Variants in HS2ST1 observed in about 807,000 individuals in gnomAD.
The protein encoded by HS2ST1 is heparan sulfate 2-O-sulfotransferase 1.
Under a neutral mutation model 42.9 loss-of-function variants are expected in HS2ST1, and 18 were observed. The ratio of observed to expected loss-of-function variants is 0.42; its 90% CI spans 0.29 to 0.62. The LOEUF (loss-of-function observed/expected upper bound fraction) is 0.62, where lower values mean the gene tolerates loss of function less well. HS2ST1 is among the 20% of genes least tolerant of loss of function. The pLI, the probability that HS2ST1 is intolerant of heterozygous loss-of-function variation, is 0.21. For missense variants in HS2ST1, 334 were observed against 433.8 expected, an observed-to-expected ratio of 0.77 and a Z score of 2.04; for synonymous variants, 146 against 152.9, an observed-to-expected ratio of 0.95 and a Z score of 0.33.
At chr1:87,077,788 C>T (rs963648907) in intron 2 of HS2ST1, among the ~76,000 whole-genome samples, 4 of 152,032 alleles carry the variant, frequency 2.6e-5, no homozygotes, top group South Asian at 2.1e-4. Flanking sequence ...ATTTTGATAG[C>T]GGTAGATGAT....
chr1:87,082,377 A>G (rs969735964), intron 2 of HS2ST1, among the ~76,000 whole-genome samples: 1 of 152,206 alleles, frequency 6.6e-6, no homozygotes, highest in Non-Finnish European at 1.5e-5. Flanking sequence ...CCAAGCTTGT[A>G]CTATATGATC....
At chr1:87,034,644 T>C (rs1482461982) in intron 1 of HS2ST1, among the ~76,000 whole-genome samples, 1 of 152,192 alleles carries the variant, frequency 6.6e-6, no homozygotes, top group African/African-American at 2.4e-5. Context: ...TCAAATTCTC[T>C]CAGTTGAGAA....
intron 1 of HS2ST1, among the ~76,000 whole-genome samples, chr1:86,935,164 T>G (rs1660619218): frequency 6.6e-6 from 1 of 152,040 alleles, no homozygotes; most frequent in African/African-American, 2.4e-5. Context: ...TGCTACTTTG[T>G]CTAATAGTTC....
At chr1:86,937,746 T>C (rs1267851980) in intron 1 of HS2ST1, among the ~76,000 whole-genome samples, 3 of 152,112 alleles carry the variant, frequency 2.0e-5, no homozygotes, top group Non-Finnish European at 4.4e-5. Flanking sequence ...AATCCCTTTC[T>C]AATCTGAGCT....
At chr1:86,950,667 A>C (rs542103577) in intron 1 of HS2ST1, among the ~76,000 whole-genome samples, 1 of 152,352 alleles carries the variant, frequency 6.6e-6, no homozygotes, top group South Asian at 2.1e-4. Context: ...GTAACATTCA[A>C]ATTGTTAACC....
At chr1:86,917,802 G>A (rs1184499229) in intron 1 of HS2ST1, among the ~76,000 whole-genome samples, 1 of 152,166 alleles carries the variant, frequency 6.6e-6, no homozygotes, top group Non-Finnish European at 1.5e-5. Context: ...ATCATTCAGA[G>A]AAAATTGAAT....
chr1:87,073,186 A>G lies in HS2ST1; in HGVS notation c.363+14A>G. On this transcript the variant is annotated intron_variant, in intron 2 of 6. Transcript: ENST00000370550. ...TTGCAAGATCAGGTAATTACCACTT[A>G]AGGAATGCCCAAATATTTTCTAATA... The G allele has an allele frequency of 5.3e-6, 8 of 1,515,276 alleles. No homozygotes were observed. The highest frequency in any genetic ancestry group is 7.3e-6 in the Non-Finnish European group (8 of 1,090,460). The allele number at this position is 1,515,276 out of a possible 1,614,324, so 93.9% of individuals were successfully genotyped here. A position where few individuals can be genotyped will look rare whatever the true frequency, so the allele number is the denominator to read the frequency against.
chr1:87,079,140 T>TG (rs1003877516), intron 2 of HS2ST1, among the ~76,000 whole-genome samples: 66 of 151,924 alleles, frequency 4.3e-4, no homozygotes, highest in South Asian at 2.5e-3. Flanking sequence ...TACTTTTTTT[T>TG]TTTTTGAGAC....
chr1:87,031,522 C>T (rs1365185999), intron 1 of HS2ST1, among the ~76,000 whole-genome samples: 1 of 152,174 alleles, frequency 6.6e-6, no homozygotes, highest in African/African-American at 2.4e-5. Context: ...GTGCAGCTAG[C>T]TTGTGCCAAA....
At chr1:86,918,810 C>T (rs2102150675) in intron 1 of HS2ST1, among the ~76,000 whole-genome samples, 1 of 151,632 alleles carries the variant, frequency 6.6e-6, no homozygotes, top group African/African-American at 2.4e-5. Flanking sequence ...ATTAATTTAC[C>T]TTCTAATTTC....
At chr1:87,045,719 T>C (rs1650637105) in intron 1 of HS2ST1, 1 of 847,696 alleles carries the variant, frequency 1.2e-6, no homozygotes, top group South Asian at 1.3e-5. Flanking sequence ...CTGCCACTGA[T>C]TTGATATCAA....
intron 1 of HS2ST1, among the ~76,000 whole-genome samples, chr1:86,964,276 C>G (rs1354134766): frequency 6.6e-6 from 1 of 152,194 alleles, no homozygotes; most frequent in Non-Finnish European, 1.5e-5. Flanking sequence ...CTTTGGGAGG[C>G]CAAGGCAGGC....
intron 1 of HS2ST1, among the ~76,000 whole-genome samples, chr1:86,923,138 G>A (rs1382338602): frequency 1.3e-5 from 2 of 152,054 alleles, no homozygotes; most frequent in African/African-American, 4.8e-5. Flanking sequence ...TATCTCAGGC[G>A]TTGCCTCCCA....
chr1:87,031,521 G>T (rs371967681), intron 1 of HS2ST1, among the ~76,000 whole-genome samples: 15 of 152,280 alleles, frequency 9.9e-5, no homozygotes, highest in African/African-American at 2.6e-4. Flanking sequence ...TGTGCAGCTA[G>T]CTTGTGCCAA....
At position 87,080,740 on chromosome 1, in the gene HS2ST1, G is replaced by A. The variant is rs72955581; in HGVS notation, c.364-3454G>A. Among the ~76,000 whole-genome samples, 577 of 152,242 alleles carry A rather than the reference G, an allele frequency of 3.8e-3. 4 individuals are homozygous for A. The highest frequency in any genetic ancestry group is 0.013 in the African/African-American group (536 of 41,546). ...TTCCCCCTGGTAGCTGCCACATGGC[G>A]CAGAAAGAGAATCTGCACCCTGGGT... On this transcript the variant is annotated intron_variant, in intron 2 of 6. Coordinates refer to ENST00000370550, the MANE Select transcript of HS2ST1 (RefSeq NM_012262.4).
At chr1:87,031,242 A>C (rs1650231525) in intron 1 of HS2ST1, among the ~76,000 whole-genome samples, 1 of 152,136 alleles carries the variant, frequency 6.6e-6, no homozygotes, top group African/African-American at 2.4e-5. Context: ...CACCTGGCTA[A>C]GTCTCAGTGT....
chr1:86,964,749 A>G (rs1472947277), intron 1 of HS2ST1, among the ~76,000 whole-genome samples: 2 of 152,236 alleles, frequency 1.3e-5, no homozygotes, highest in African/African-American at 2.4e-5. Context: ...ACACACATGT[A>G]TATTTATTTA....
At position 87,105,376 on chromosome 1, in the gene HS2ST1, G is replaced by A. The variant is rs1652305847; in HGVS notation, c.*680G>A. The stretch of plus-strand genomic sequence containing the variant: ...TCCTGCCTCCTCAATATCTAATACT[G>A]GGAAGATACTTCAAAGAATATTGAG... On this transcript the variant is annotated 3_prime_UTR_variant, in exon 7 of 7. Transcript: ENST00000370550. 1.3e-5 allele frequency: 2 copies of A among 152,472 alleles called. No individual in the cohort carries two copies. Among genetic ancestry groups the A allele is most frequent in the Admixed American group, 1.3e-4 (2 of 15,258 alleles). The allele number at this position is 152,472 out of a possible 1,614,324, so 9.4% of individuals were successfully genotyped here. A position where few individuals can be genotyped will look rare whatever the true frequency, so the allele number is the denominator to read the frequency against.
chr1:87,061,834 A>G (rs534442634), intron 1 of HS2ST1, among the ~76,000 whole-genome samples: 1 of 151,732 alleles, frequency 6.6e-6, no homozygotes, highest in South Asian at 2.1e-4. Context: ...TCATGACTTC[A>G]CCATGTTACA....
Sources: gnomAD v4.1 joint callset for allele counts (sites outside exome capture counted in the v4.1 genomes callset) on GRCh38, gnomAD v4.1.1 for gene constraint, MANE v1.5 for transcripts, NCBI Gene and HGNC (gene_info 2026-07-23, HGNC 2026-07-21) for gene names.